LRRFIP1: variants seen among roughly 807,000 people sequenced by gnomAD.
The protein encoded by LRRFIP1 is leucine-rich repeat flightless-interacting protein 1.
In LRRFIP1, 62 loss-of-function variants were observed where a neutral mutation model predicts 104.4. The ratio of observed to expected loss-of-function variants is 0.59; its 90% confidence interval spans 0.48 to 0.73. LRRFIP1 has a LOEUF of 0.73. LRRFIP1 is among the 30% of genes least tolerant of loss of function. LRRFIP1 has a pLI of 0.00. For synonymous variants in LRRFIP1, 300 were observed against 299.0 expected (o/e 1.00, Z -0.03); for missense variants, 796 against 824.5 (o/e 0.97, Z 0.42).
rs116610701 is a variant in LRRFIP1 at position 237,661,399 on chromosome 2, C to T, written c.96+33659C>T. Among the ~76,000 whole-genome samples the T allele has an allele frequency of 2.6e-3, 392 of 152,318 alleles. 5 individuals are homozygous for T. Among genetic ancestry groups the T allele is most frequent in the African/African-American group, 9.1e-3 (377 of 41,564 alleles). ...CTCTCCTCCTTAGAGCACAAGCCCT[C>T]TGATGCTCCCAGACAGTGGAAACTT... On this transcript the variant is annotated intron_variant, in intron 1 of 23. Transcript: ENST00000308482. This position sits in a 1 kb window ranked among gnomAD's most constrained non-coding sequence, Gnocchi z 4.4.
Position 237,658,515 on chromosome 2 carries a change from TC to T in LRRFIP1, c.96+30776del, listed in dbSNP as rs767317066. On this transcript the variant is annotated intron_variant, in intron 1 of 23. Coordinates refer to ENST00000308482, the MANE Select transcript of LRRFIP1 (RefSeq NM_001137550.2). ...AGATTAGTAGGGGGCTGTGCATTAA[TC>T]TGTTTTCATACTACTGTAAAGAACT... Among the ~76,000 whole-genome samples, 37 of 152,340 alleles carry T rather than the reference TC, an allele frequency of 2.4e-4. 1 individual carries two copies. In the South Asian group the frequency reaches 5.6e-3, roughly 23 times the overall value.
At chr2:237,633,599 A>C (rs1428484237) in intron 1 of LRRFIP1, among the ~76,000 whole-genome samples, 1 of 152,128 alleles carries the variant, frequency 6.6e-6, no homozygotes, top group Non-Finnish European at 1.5e-5. Context: ...GAGACGGGAA[A>C]GGAGAGAGGG....
chr2:237,746,501 A>G (rs773140736), intron 11 of LRRFIP1, among the ~76,000 whole-genome samples: 1 of 152,192 alleles, frequency 6.6e-6, no homozygotes, highest in Non-Finnish European at 1.5e-5. Flanking sequence ...GATGGTGCCC[A>G]TCTGATCAGA....
In LRRFIP1 at chr2:237,631,945, G is replaced by A. The variant is rs566640202; in HGVS notation, c.96+4205G>A. On this transcript the variant is annotated intron_variant, in intron 1 of 23. Transcript: ENST00000308482. ...TTTCTGCAGCCTCCTCTCCAAGCTG[G>A]CCCCTCTGTGGCCTGCGGCCTCGGG... Among the ~76,000 whole-genome samples the A allele has an allele frequency of 2.6e-5, 4 of 152,296 alleles. No homozygotes were observed. The East Asian group carries it at 7.7e-4, about 29-fold the overall frequency.
chr2:237,691,425 T>A lies in LRRFIP1; in HGVS notation c.97-17119T>A, dbSNP rs1220365947. 6.6e-6 allele frequency among the ~76,000 whole-genome samples: 1 copy of A among 152,122 alleles called. No homozygotes were observed. The highest frequency in any genetic ancestry group is 2.4e-5 in the African/African-American group (1 of 41,422). On this transcript the variant is annotated intron_variant, in intron 1 of 23. Transcript: ENST00000308482. This position sits in a 1 kb window ranked among gnomAD's most constrained non-coding sequence, Gnocchi z 5.4. ...GGACCCCGGGTTCTGCGACGCCAGA[T>A]CGGCCCCAGCGGCCCGCACCCGCAC... is the stretch of plus-strand genomic sequence containing the variant.
chr2:237,750,314 TTTTCTTTC>T (rs1251693181), intron 13 of LRRFIP1, among the ~76,000 whole-genome samples: 1 of 146,078 alleles, frequency 6.8e-6, no homozygotes, highest in Admixed American at 6.9e-5. Flanking sequence ...TTTTCTTTTC[TTTTCTTTC>T]TTTCTTTTTT....
intron 19 of LRRFIP1, among the ~76,000 whole-genome samples, chr2:237,761,445 C>G (rs1249171821): frequency 6.6e-6 from 1 of 152,206 alleles, no homozygotes; most frequent in East Asian, 1.9e-4. Flanking sequence ...GCTACCCGAA[C>G]AGCTAGGAAT....
intron 8 of LRRFIP1, among the ~76,000 whole-genome samples, chr2:237,731,844 G>A (rs2095025326): frequency 6.6e-6 from 1 of 152,136 alleles, no homozygotes; most frequent in South Asian, 2.1e-4. Flanking sequence ...GGCCACATGT[G>A]AACTCGCCCT....
intron 11 of LRRFIP1, 47 bp downstream of exon 11, chr2:237,739,356 C>A (rs1361954755): frequency 2.2e-5 from 32 of 1,475,912 alleles, no homozygotes; most frequent in Non-Finnish European, 2.8e-5. Context: ...CACCCTCCCT[C>A]CCCCTTCCCT....
chr2:237,676,877 C>T (rs1403290601), intron 1 of LRRFIP1, among the ~76,000 whole-genome samples: 1 of 152,194 alleles, frequency 6.6e-6, no homozygotes, highest in Non-Finnish European at 1.5e-5. Context: ...GATCTCCTGA[C>T]CTTTGGTGTG....
In LRRFIP1 at chr2:237,780,958, C is replaced by T. The variant is rs1382028610; in HGVS notation, c.*1426C>T. Among the ~76,000 whole-genome samples the T allele has an allele frequency of 2.0e-5, 3 of 151,536 alleles. No homozygotes were observed. The highest frequency in any genetic ancestry group is 7.3e-5 in the African/African-American group (3 of 40,826). On this transcript the variant is annotated 3_prime_UTR_variant, in exon 24 of 24. Coordinates refer to ENST00000308482, the MANE Select transcript of LRRFIP1 (RefSeq NM_001137550.2). Reference sequence around the variant, plus strand: ...GCCAACACTGGCAAGTAGGAAACCACGGGTCGGACAGGTGAGCAAAATGTG... The same window carrying T: ...GCCAACACTGGCAAGTAGGAAACCATGGGTCGGACAGGTGAGCAAAATGTG...
rs1211817616 is a variant in LRRFIP1, at chr2:237,649,242, A to T, written c.96+21502A>T. The stretch of plus-strand genomic sequence containing the variant: ...CCCACAGCTGTGCCCAGCTACGAAC[A>T]CTGTAGGCCGGGCGCGATGGCTCAC... On this transcript the variant is annotated intron_variant, in intron 1 of 23. Coordinates refer to ENST00000308482, the MANE Select transcript of LRRFIP1 (RefSeq NM_001137550.2). This position sits in a 1 kb window ranked among gnomAD's most constrained non-coding sequence, Gnocchi z 4.1. 4.6e-5 allele frequency among the ~76,000 whole-genome samples: 7 copies of T among 151,366 alleles called. No individual in the cohort carries two copies. In the East Asian group the frequency reaches 1.4e-3, roughly 29 times the overall value.
At chr2:237,733,912 A>G in intron 9 of LRRFIP1, 94 bp downstream of exon 9, 1 of 1,359,048 alleles carries the variant, frequency 7.4e-7, no homozygotes, top group Non-Finnish European at 1.0e-6. Context: ...GCCTGTTCCC[A>G]GCCCCCTGGG....
At chr2:237,639,010 A>T (rs1177992806) in intron 1 of LRRFIP1, among the ~76,000 whole-genome samples, 1 of 152,114 alleles carries the variant, frequency 6.6e-6, no homozygotes, top group African/African-American at 2.4e-5. Flanking sequence ...TCTTTTTTTT[A>T]TCCGAGAAAG....
intron 15 of LRRFIP1, 109 bp from the exon 16 acceptor site, chr2:237,755,986 T>C (rs1274431276): frequency 8.2e-6 from 5 of 606,424 alleles, no homozygotes; most frequent in Non-Finnish European, 1.2e-5. Context: ...ATTGTGATGA[T>C]GTAGTAGCAG....
At chr2:237,685,118 A>C (rs79250598) in intron 1 of LRRFIP1, among the ~76,000 whole-genome samples, 625 of 31,126 alleles carry the variant, frequency 0.02, 5 homozygotes, top group African/African-American at 0.069. Context: ...TCCCCCCCCC[A>C]CACAAAAAAA....
In LRRFIP1 at chr2:237,661,610, C is replaced by G. The variant is rs1269163244; in HGVS notation, c.96+33870C>G. Among the ~76,000 whole-genome samples, 1 of 152,228 alleles carries G rather than the reference C, an allele frequency of 6.6e-6. No individual in the cohort carries two copies. Among genetic ancestry groups the G allele is most frequent in the Non-Finnish European group, 1.5e-5 (1 of 68,044 alleles). On this transcript the variant is annotated intron_variant, in intron 1 of 23. Coordinates refer to ENST00000308482, the MANE Select transcript of LRRFIP1 (RefSeq NM_001137550.2). This position sits in a 1 kb window ranked among gnomAD's most constrained non-coding sequence, Gnocchi z 4.4. ...ATCCATGAAACCATCCTTGTCCTCACTGTCGATGGAATTTTTCAGTGATAC... is the reference window on the plus strand; with the variant it reads ...ATCCATGAAACCATCCTTGTCCTCAGTGTCGATGGAATTTTTCAGTGATAC...
At chr2:237,633,290 G>A (rs2082649276) in intron 1 of LRRFIP1, among the ~76,000 whole-genome samples, 1 of 152,212 alleles carries the variant, frequency 6.6e-6, no homozygotes, top group Admixed American at 6.5e-5. Context: ...AGCTGTTGGA[G>A]GGCGTGAACA....
Position 237,780,788 on chromosome 2 carries a change from T to C in LRRFIP1, c.*1256T>C, listed in dbSNP as rs6742292. Reference sequence around the variant, plus strand: ...GTCACCAGTGTCCATCCCCCAGAACTGTATGGATCTAGGATATACACAGCT... The same window carrying C: ...GTCACCAGTGTCCATCCCCCAGAACCGTATGGATCTAGGATATACACAGCT... On this transcript the variant is annotated 3_prime_UTR_variant, in exon 24 of 24. Coordinates refer to ENST00000308482, the MANE Select transcript of LRRFIP1 (RefSeq NM_001137550.2). Among the ~76,000 whole-genome samples the C allele has an allele frequency of 0.049, 7,480 of 152,278 alleles. 240 individuals are homozygous for C. Among genetic ancestry groups the C allele is most frequent in the African/African-American group, 0.08 (3,324 of 41,552 alleles).
Sources: allele counts gnomAD v4.1 joint callset (sites outside exome capture counted in the v4.1 genomes callset), GRCh38; gene constraint gnomAD v4.1.1; non-coding constraint Gnocchi (gnomAD v3.1); transcripts MANE v1.5; gene names NCBI Gene and HGNC (gene_info 2026-07-23, HGNC 2026-07-21).